Variants in TNFSF11 observed in about 807,000 individuals in gnomAD.
TNFSF11 encodes the protein tumor necrosis factor ligand superfamily member 11.
TNFSF11 carries 12 observed loss-of-function variants against 32.2 expected under a neutral mutation model. The ratio of observed to expected loss-of-function variants is 0.37; its 90% CI spans 0.24 to 0.60. TNFSF11 has a LOEUF of 0.60. Among genes scored for constraint, TNFSF11 ranks in the 20% least tolerant of loss-of-function variants. The probability of loss-of-function intolerance (pLI) is 0.66; values close to 1 mark genes in which losing one functional copy is unlikely to be tolerated. For synonymous variants in TNFSF11, 172 were observed against 152.1 expected (o/e 1.13, Z -0.96); for missense variants, 345 against 398.0 (o/e 0.87, Z 1.13).
chr13:42,573,781 C>T (rs1295388376), upstream of TNFSF11, among the ~76,000 whole-genome samples: 2 of 152,066 alleles, frequency 1.3e-5, no homozygotes, highest in Admixed American at 6.6e-5. Context: ...AGGAGGAAAC[C>T]GAGACTCCAG....
rs1377952734 is a variant in TNFSF11, at chr13:42,567,537, AAACC to A, written c.-160+782_-160+785del. 2.6e-5 allele frequency among the ~76,000 whole-genome samples: 4 copies of A among 152,194 alleles called. No homozygotes were observed. The East Asian group carries it at 7.7e-4, about 29-fold the overall frequency. On this transcript the variant is annotated intron_variant, in intron 2 of 6. Coordinates refer to the TNFSF11 transcript ENST00000358545. ...CTCCTTTAGGGGTGAGAGCTAAACC[AAACC>A]AACCAAATAGGCCCTGTTTGGCCAG...
intron 2 of TNFSF11, among the ~76,000 whole-genome samples, chr13:42,567,761 C>G (rs1439121660): frequency 2.0e-5 from 3 of 152,174 alleles, no homozygotes; most frequent in African/African-American, 7.2e-5. Context: ...AATAAGATAC[C>G]AAATTGTAAA....
At chr13:42,600,862 T>C in intron 3 of TNFSF11, 21 bp from the exon 4 acceptor site, 1 of 1,614,144 alleles carries the variant, frequency 6.2e-7, no homozygotes, top group Non-Finnish European at 8.5e-7. Flanking sequence ...GCTATAATAA[T>C]ATGGTTTCTC....
chr13:42,567,456 C>T (rs1872908743), intron 2 of TNFSF11, among the ~76,000 whole-genome samples: 1 of 152,192 alleles, frequency 6.6e-6, no homozygotes, highest in South Asian at 2.1e-4. Flanking sequence ...TGTTTTTCCT[C>T]TTCCACCTCC....
chr13:42,563,648 G>C (rs1259477075), intron 1 of TNFSF11, among the ~76,000 whole-genome samples: 3 of 131,232 alleles, frequency 2.3e-5, no homozygotes, highest in African/African-American at 8.9e-5. Flanking sequence ...GGGCAACAGA[G>C]CAAAAACTCC....
At chr13:42,572,444 A>C (rs1873101737), upstream of TNFSF11, among the ~76,000 whole-genome samples, 1 of 152,188 alleles carries the variant, frequency 6.6e-6, no homozygotes, top group Non-Finnish European at 1.5e-5. Context: ...AAGAAGAAAT[A>C]TGGAATTATT....
intron 1 of TNFSF11, among the ~76,000 whole-genome samples, 185 bp downstream of exon 1, chr13:42,574,707 C>G (rs1219690886): frequency 2.5e-4 from 38 of 151,996 alleles, no homozygotes; most frequent in Non-Finnish European, 2.9e-5. Context: ...GGCTGTCGGG[C>G]GCACCCTGCT....
chr13:42,597,340 C>CTTTTTTTTTTT (rs774612741), intron 2 of TNFSF11, among the ~76,000 whole-genome samples: 32 of 125,568 alleles, frequency 2.5e-4, no homozygotes, highest in South Asian at 5.3e-4. Flanking sequence ...GCCTTTTGTT[C>CTTTTTTTTTTT]TTTTTTTTTT....
Position 42,574,353 on chromosome 13 carries a change from A to T in TNFSF11, c.50A>T (p.Glu17Val). The T allele has an allele frequency of 6.5e-7, 1 of 1,542,948 alleles. No individual in the cohort carries two copies. The highest frequency in any genetic ancestry group is 1.2e-5 in the South Asian group (1 of 83,618). Residue 17 changes from glutamate to valine, a missense_variant, in exon 1 of 5, where the codon GAG (glutamate) becomes GTG (valine). Physicochemically the swap from Glu to Val is moderately radical, Grantham distance 121. Transcript: ENST00000398795. Reference protein sequence around the residue: ...DYTKYLRGSEEMGGGPGAPHE... With the variant: ...DYTKYLRGSEVMGGGPGAPHE... ...ACCAAGTACCTGCGTGGCTCGGAGG[A>T]GATGGGCGGCGGCCCCGGAGCCCCG...
intron 1 of TNFSF11, among the ~76,000 whole-genome samples, chr13:42,565,390 T>G (rs8001800): frequency 6.6e-6 from 1 of 152,124 alleles, no homozygotes; most frequent in Non-Finnish European, 1.5e-5. Context: ...CTTTGCATCT[T>G]TTAGGTTCTA....
At chr13:42,592,217 T>G (rs1371088651) in intron 2 of TNFSF11, among the ~76,000 whole-genome samples, 2 of 152,148 alleles carry the variant, frequency 1.3e-5, no homozygotes, top group Non-Finnish European at 2.9e-5. Context: ...CCCAACAGGT[T>G]AAAGGCTCAG....
intron 2 of TNFSF11, among the ~76,000 whole-genome samples, chr13:42,596,338 G>C (rs1381271247): frequency 6.6e-6 from 1 of 152,150 alleles, no homozygotes; most frequent in Non-Finnish European, 1.5e-5. Flanking sequence ...TGATGTCCCG[G>C]CTCCTTTTTG....
intron 4 of TNFSF11, 88 bp from the exon 5 acceptor site, chr13:42,606,409 A>AT (rs934661321): frequency 8.6e-6 from 13 of 1,513,676 alleles, no homozygotes; most frequent in Admixed American, 1.7e-5. Context: ...CTGCTATACT[A>AT]TTTTTTCTCC....
intron 2 of TNFSF11, among the ~76,000 whole-genome samples, chr13:42,584,812 CTTTTG>C (rs1873804055): frequency 6.6e-6 from 1 of 152,160 alleles, no homozygotes; most frequent in Admixed American, 6.5e-5. Flanking sequence ...TTCACATTTG[CTTTTG>C]TTTTGTTATA....
At chr13:42,602,165 C>T (rs1273967405) in intron 4 of TNFSF11, among the ~76,000 whole-genome samples, 1 of 152,174 alleles carries the variant, frequency 6.6e-6, no homozygotes, top group Non-Finnish European at 1.5e-5. Flanking sequence ...TGTCCTGGCT[C>T]TGTGACCTTG....
chr13:42,593,697 G>T (rs995298459), intron 2 of TNFSF11, among the ~76,000 whole-genome samples: 3 of 152,054 alleles, frequency 2.0e-5, no homozygotes, highest in Non-Finnish European at 4.4e-5. Flanking sequence ...TTACATGAAG[G>T]GTATCATTAA....
chr13:42,578,022 G>C (rs1873405211), intron 1 of TNFSF11, among the ~76,000 whole-genome samples: 1 of 152,180 alleles, frequency 6.6e-6, no homozygotes, highest in Non-Finnish European at 1.5e-5. Flanking sequence ...TCAATGAAGT[G>C]TAAGTTCCAT....
At chr13:42,589,242 C>T (rs1228111403) in intron 2 of TNFSF11, among the ~76,000 whole-genome samples, 2 of 152,098 alleles carry the variant, frequency 1.3e-5, no homozygotes, top group Non-Finnish European at 2.9e-5. Flanking sequence ...TGGTCTTATC[C>T]TTTTATTCAC....
upstream of TNFSF11, chr13:42,574,125 A>G (rs1450054391): frequency 1.1e-5 from 8 of 749,112 alleles, no homozygotes; most frequent in African/African-American, 1.8e-5. Context: ...CAAGCGGTTT[A>G]TAAGAGTTGG....
Sources: gnomAD v4.1 joint callset for allele counts (sites outside exome capture counted in the v4.1 genomes callset) on GRCh38, gnomAD v4.1.1 for gene constraint, MANE v1.5 for transcripts, NCBI Gene and HGNC (gene_info 2026-07-23, HGNC 2026-07-21) for gene names.